Variants in LSG1 observed in about 807,000 individuals in gnomAD.
LSG1 encodes large 60S subunit nuclear export GTPase 1.
In LSG1, 55 loss-of-function variants were observed where a neutral mutation model predicts 82.6. The observed-to-expected ratio is 0.67, with a 90% CI of 0.54 to 0.83. The LOEUF (loss-of-function observed/expected upper bound fraction) is 0.83. Ranked by LOEUF, LSG1 falls within the 40% of genes least tolerant of loss-of-function variation. The pLI, the probability that LSG1 is intolerant of heterozygous loss-of-function variation, is 0.00. For missense variants in LSG1, 809 were observed against 807.9 expected, an observed-to-expected ratio of 1.00 and a Z score of -0.02; for synonymous variants, 272 against 282.5, an observed-to-expected ratio of 0.96 and a Z score of 0.37.
At chr3:194,669,628 C>CATCT (rs1719102434) in intron 2 of LSG1, among the ~76,000 whole-genome samples, 1 of 152,142 alleles carries the variant, frequency 6.6e-6, no homozygotes, top group East Asian at 1.9e-4. Context: ...GTCCTTTGAA[C>CATCT]ATCTACTCAT....
rs536339526 is a variant in LSG1, at chr3:194,651,768, T to C, written c.1174-552A>G. On this transcript the variant is annotated intron_variant, in intron 8 of 13. Transcript: ENST00000265245. ...GAAAACTTGTAGAGAAGCTGAACTT[T>C]CTGATACAAATTTTTAGCAACAATA... 1.3e-4 allele frequency among the ~76,000 whole-genome samples: 20 copies of C among 152,326 alleles called. No homozygotes were observed. In the South Asian group the frequency reaches 2.5e-3, roughly 19 times the overall value.
At chr3:194,652,602 G>A in intron 8 of LSG1, 127 bp downstream of exon 8, 1 of 995,450 alleles carries the variant, frequency 1.0e-6, no homozygotes. Flanking sequence ...GATGCCAGTG[G>A]GCAACAAGAG....
chr3:194,666,074 T>C, intron 4 of LSG1, 129 bp downstream of exon 4: 2 of 788,638 alleles, frequency 2.5e-6, no homozygotes, highest in Non-Finnish European at 4.2e-6. Context: ...TATTTGCACT[T>C]GTTAGCAGAA....
rs1206519388 is a variant in LSG1 at position 194,641,196 on chromosome 3, A to G, written c.*872T>C. 1 of 152,202 alleles carries G rather than the reference A, an allele frequency of 6.6e-6. No homozygotes were observed. Among genetic ancestry groups the G allele is most frequent in the African/African-American group, 2.4e-5 (1 of 41,438 alleles). 9.4% of individuals were successfully genotyped at this position (152,202 alleles called of 1,614,324 possible). A position where few individuals can be genotyped will look rare whatever the true frequency, so the allele number is the denominator to read the frequency against. On this transcript the variant is annotated 3_prime_UTR_variant, in exon 14 of 14. Coordinates refer to ENST00000265245, the MANE Select transcript of LSG1 (RefSeq NM_018385.3). Reference sequence around the variant, plus strand: ...GTTATTGAACTATAATTTACATACCATACAATTCACCAACGTAAAGTGTGT... The same window carrying G: ...GTTATTGAACTATAATTTACATACCGTACAATTCACCAACGTAAAGTGTGT...
At chr3:194,650,834 C>G (rs751126151) in intron 10 of LSG1, 47 bp downstream of exon 10, 10 of 1,556,770 alleles carry the variant, frequency 6.4e-6, no homozygotes, top group Non-Finnish European at 8.7e-6. Flanking sequence ...ACCTGAAGCC[C>G]TAATATGCAC....
At chr3:194,646,437 T>A in intron 11 of LSG1, 194 bp from the exon 12 acceptor site, 1 of 478,026 alleles carries the variant, frequency 2.1e-6, no homozygotes, top group Non-Finnish European at 3.7e-6. Flanking sequence ...ATATCTGATA[T>A]CCTAAAAATG....
intron 12 of LSG1, chr3:194,644,990 C>T (rs1718489773): frequency 8.6e-6 from 3 of 350,500 alleles, no homozygotes; most frequent in Non-Finnish European, 1.5e-5. Flanking sequence ...CTTCTTTTCT[C>T]GTTTGCATTC....
chr3:194,651,588 C>G (rs1234117869), intron 8 of LSG1: 1 of 175,150 alleles, frequency 5.7e-6, no homozygotes, highest in Non-Finnish European at 1.2e-5. Flanking sequence ...TTTGAATAAT[C>G]ACAACACACA....
intron 8 of LSG1, 125 bp downstream of exon 8, chr3:194,652,604 C>T (rs1005369226): frequency 1.9e-6 from 2 of 1,030,010 alleles, no homozygotes; most frequent in African/African-American, 1.6e-5. Context: ...TGCCAGTGGG[C>T]AACAAGAGGG....
At chr3:194,657,354 T>C (rs920522103) in intron 7 of LSG1, among the ~76,000 whole-genome samples, 3 of 151,916 alleles carry the variant, frequency 2.0e-5, no homozygotes, top group Non-Finnish European at 4.4e-5. Context: ...TCTACCTTGG[T>C]ACTAAACCAT....
At chr3:194,645,089 C>T (rs181559726) in intron 12 of LSG1, 39 of 168,730 alleles carry the variant, frequency 2.3e-4, no homozygotes, top group African/African-American at 7.3e-4. Context: ...TGGACAGTTA[C>T]GGTAATGCCG....
intron 7 of LSG1, among the ~76,000 whole-genome samples, chr3:194,654,716 G>C (rs936323054): frequency 1.3e-5 from 2 of 152,118 alleles, no homozygotes; most frequent in East Asian, 1.9e-4. Context: ...CTACAGCGGG[G>C]AGCAGTTCAG....
At position 194,652,712 on chromosome 3, in the gene LSG1, G is replaced by T; in HGVS notation, c.1173+17C>A. The T allele has an allele frequency of 6.2e-7, 1 of 1,602,626 alleles. No homozygotes were observed. The highest frequency in any genetic ancestry group is 1.1e-5 in the South Asian group (1 of 89,686). On this transcript the variant is annotated intron_variant, in intron 8 of 13. Coordinates refer to ENST00000265245, the MANE Select transcript of LSG1 (RefSeq NM_018385.3). ...GACAATCACGTGGTAACAATGTTAT[G>T]ACATATGTCATCTTACCAGTCCGAC...
chr3:194,662,874 G>A (rs1223021497), intron 5 of LSG1, among the ~76,000 whole-genome samples: 1 of 152,154 alleles, frequency 6.6e-6, no homozygotes, highest in African/African-American at 2.4e-5. Flanking sequence ...CCCTGCCCAG[G>A]CACCCTACAG....
rs779026686 is a variant in LSG1 at position 194,642,157 on chromosome 3, CA to C, written c.1887del (p.Glu630ArgfsTer60). The C allele has an allele frequency of 8.7e-6, 14 of 1,614,070 alleles. No homozygotes were observed. The highest frequency in any genetic ancestry group is 5.9e-6 in the Non-Finnish European group (7 of 1,180,026). On this transcript the variant is annotated frameshift_variant, in exon 14 of 14. Transcript: ENST00000265245. LOFTEE classifies it high-confidence loss of function. ...SGVVTASTASSENGAGKPWKK... is the reference protein window; with the variant it reads ...SGVVTASTASXENGAGKPWKK... ...TTCCAGGGCTTCCCCGCCCCGTTCT[CA>C]GAGCTCGCAGTGGATGCAGTCACTA...
chr3:194,666,357 CT>C, intron 3 of LSG1, 68 bp from the exon 4 acceptor site: 1 of 1,596,564 alleles, frequency 6.3e-7, no homozygotes, highest in Non-Finnish European at 8.6e-7. Flanking sequence ...TAATTTGGAT[CT>C]AATAATGGCA....
chr3:194,661,002 T>A (rs1267504127), intron 5 of LSG1: 2 of 422,248 alleles, frequency 4.7e-6, no homozygotes, highest in Non-Finnish European at 9.5e-6. Context: ...AAGCTACAGA[T>A]GCATGACTAC....
rs768420907 is a variant in LSG1, at chr3:194,653,184, T to C, written c.760-42A>G. Reference sequence around the variant, plus strand: ...AACGCTCAGAAGTATATAACTGCAGTTTCCACTCTAGTAAAAATACTTAAT... The same window carrying C: ...AACGCTCAGAAGTATATAACTGCAGCTTCCACTCTAGTAAAAATACTTAAT... On this transcript the variant is annotated intron_variant, in intron 7 of 13. Coordinates refer to ENST00000265245, the MANE Select transcript of LSG1 (RefSeq NM_018385.3). 32 of 1,559,312 alleles carry C rather than the reference T, an allele frequency of 2.1e-5. No individual in the cohort carries two copies. In the African/African-American group the frequency reaches 4.4e-4, roughly 21 times the overall value.
chr3:194,657,409 C>T (rs1242015782), intron 7 of LSG1, among the ~76,000 whole-genome samples: 1 of 149,608 alleles, frequency 6.7e-6, no homozygotes, highest in Non-Finnish European at 1.5e-5. Context: ...TGAGGTAAAA[C>T]AGAACAAATA....
Sources: allele counts gnomAD v4.1 joint callset (sites outside exome capture counted in the v4.1 genomes callset), GRCh38; gene constraint gnomAD v4.1.1; transcripts MANE v1.5; gene names NCBI Gene and HGNC (gene_info 2026-07-23, HGNC 2026-07-21).